Variants in RPS8 observed in about 807,000 individuals in gnomAD.
RPS8 encodes the protein ribosomal protein S8.
For missense variants in RPS8, 141 were observed against 269.7 expected, an observed-to-expected ratio of 0.52 and a Z score of 3.34; for synonymous variants, 100 against 100.7, an observed-to-expected ratio of 0.99 and a Z score of 0.04.
rs374044573 is a variant in RPS8, at chr1:44,775,991, G to C, written c.5-43G>C. 1.8e-5 allele frequency: 29 copies of C among 1,578,420 alleles called. No homozygotes were observed. In the Admixed American group the frequency reaches 2.7e-4, roughly 15 times the overall value. On this transcript the variant is annotated intron_variant, in intron 1 of 5. Coordinates refer to ENST00000396651, the MANE Select transcript of RPS8 (RefSeq NM_001012.2). The stretch of plus-strand genomic sequence containing the variant: ...CGGGAGCTGGCGAGTCGCTAGCACC[G>C]AGTCACAGTGGCTCAAGCTTCCTTC...
At position 44,778,555 on chromosome 1, in the gene RPS8, G is replaced by A. The variant is rs1382442265; in HGVS notation, c.518-21G>A. On this transcript the variant is annotated intron_variant, in intron 5 of 5. Transcript: ENST00000396651. The stretch of plus-strand genomic sequence containing the variant: ...TAGGGCCACCTTGTCGTTGTGCTAA[G>A]GATCACCTACTCTCTTGCAGCGTGC... 7.5e-6 allele frequency: 12 copies of A among 1,599,022 alleles called. 1 individual carries two copies. In the South Asian group the frequency reaches 1.3e-4, roughly 18 times the overall value.
intron 2 of RPS8, chr1:44,776,429 C>G (rs1225224042): frequency 3.1e-5 from 23 of 752,596 alleles, no homozygotes; most frequent in Middle Eastern, 3.0e-4. Flanking sequence ...GAAGCCTAGT[C>G]TTGTTTTTTT....
At chr1:44,777,365 C>T in intron 3 of RPS8, 1 of 473,198 alleles carries the variant, frequency 2.1e-6, no homozygotes, top group Non-Finnish European at 3.8e-6. Flanking sequence ...GTCACCGTGC[C>T]CGACCTGCTC....
At chr1:44,778,450 C>A (rs1306253138) in intron 5 of RPS8, 126 bp from the exon 6 acceptor site, 1 of 842,058 alleles carries the variant, frequency 1.2e-6, no homozygotes, top group South Asian at 1.3e-5. Flanking sequence ...TAAAGTGTGT[C>A]TGAGGAGACA....
rs376189539 is a variant in RPS8 at position 44,778,506 on chromosome 1, C to G, written c.518-70C>G. On this transcript the variant is annotated intron_variant, in intron 5 of 5. Coordinates refer to ENST00000396651, the MANE Select transcript of RPS8 (RefSeq NM_001012.2). ...CAGGGTACCTGAACCCACAGAGATT[C>G]TTAAGCGGGTGGAGAGGTTTGGGTA... 4.7e-5 allele frequency: 59 copies of G among 1,260,998 alleles called. No homozygotes were observed. In the African/African-American group the frequency reaches 6.9e-4, roughly 15 times the overall value. 78.1% of individuals were successfully genotyped at this position (1,260,998 alleles called of 1,614,324 possible). A position where few individuals can be genotyped will look rare whatever the true frequency, so the allele number is the denominator to read the frequency against.
intron 3 of RPS8, 81 bp from the exon 4 acceptor site, chr1:44,777,533 A>C: frequency 8.7e-7 from 1 of 1,153,798 alleles, no homozygotes; most frequent in Non-Finnish European, 1.3e-6. Flanking sequence ...TTAAGGCCTC[A>C]TGGGGCTGAA....
chr1:44,776,850 G>A (rs373596125), intron 3 of RPS8, 76 bp downstream of exon 3: 4 of 1,124,146 alleles, frequency 3.6e-6, no homozygotes, highest in Non-Finnish European at 5.1e-6. Context: ...GGCCTGGCGC[G>A]GTGGCTCACG....
In RPS8 at chr1:44,776,909, G is replaced by A. The variant is rs1650875961; in HGVS notation, c.211+135G>A. 5.0e-6 allele frequency: 3 copies of A among 598,364 alleles called. No individual in the cohort carries two copies. The East Asian group carries it at 9.0e-5, about 18-fold the overall frequency. 37.1% of individuals were successfully genotyped at this position (598,364 alleles called of 1,614,324 possible). On this transcript the variant is annotated intron_variant, in intron 3 of 5. Transcript: ENST00000396651. The stretch of plus-strand genomic sequence containing the variant: ...GGCCGAGGCGGGCGGATCACCTGAG[G>A]TCAGGAGTTCGAGTCCAGCCTGGGC...
intron 1 of RPS8, 161 bp downstream of exon 1, chr1:44,775,761 G>C (rs1650823197): frequency 9.7e-7 from 1 of 1,030,146 alleles, no homozygotes; most frequent in Non-Finnish European, 1.5e-6. Context: ...GCCCGTCTCT[G>C]GGGGCTGCGA....
At chr1:44,776,954 TAA>T (rs564989935) in intron 3 of RPS8, 180 bp downstream of exon 3, 15 of 505,794 alleles carry the variant, frequency 3.0e-5, no homozygotes, top group African/African-American at 2.8e-4. Context: ...AGACTCTCAG[TAA>T]AAAAAAAGAT....
intron 3 of RPS8, 69 bp from the exon 4 acceptor site, chr1:44,777,545 A>C: frequency 7.8e-7 from 1 of 1,280,082 alleles, no homozygotes; most frequent in Non-Finnish European, 1.1e-6. Flanking sequence ...GGGGCTGAAG[A>C]ACCTGGAGGA....
chr1:44,776,385 C>G, intron 2 of RPS8: 1 of 710,578 alleles, frequency 1.4e-6, no homozygotes, highest in Non-Finnish European at 2.5e-6. Context: ...GGGACTTGAG[C>G]TTCTGGAGAG....
chr1:44,775,791 CCGGGCCGCGGGCTG>C (rs1220654289), intron 1 of RPS8, 191 bp downstream of exon 1: 9 of 876,668 alleles, frequency 1.0e-5, no homozygotes, highest in Admixed American at 2.3e-5. Context: ...GCTCCGGGTT[CCGGGCCGCGGGCTG>C]CGGGCTCCGA....
chr1:44,778,435 G>A (rs1573592079), intron 5 of RPS8, 141 bp from the exon 6 acceptor site: 1 of 822,950 alleles, frequency 1.2e-6, no homozygotes, highest in East Asian at 2.4e-5. Flanking sequence ...GACAGTAAGT[G>A]AAGATAAAGT....
At position 44,778,133 on chromosome 1, in the gene RPS8, A is replaced by AG; in HGVS notation, c.517+5dup. 1 of 1,592,060 alleles carries AG rather than the reference A, an allele frequency of 6.3e-7. No homozygotes were observed. The highest frequency in any genetic ancestry group is 8.6e-7 in the Non-Finnish European group (1 of 1,168,934). On this transcript the variant is annotated splice_donor_region_variant and intron_variant, in intron 5 of 5. Coordinates refer to ENST00000396651, the MANE Select transcript of RPS8 (RefSeq NM_001012.2). The stretch of plus-strand genomic sequence containing the variant: ...TTCCAGCAGGGCAAGCTTCTTGGTG[A>AG]GAAGGCTGTTGTGTTGGAGGTGGGG...
chr1:44,777,598 T>C lies in RPS8; in HGVS notation c.212-16T>C, dbSNP rs746151279. ...GTCCTCCAGTTTACTTGATGCCAAA[T>C]TTCTCCTGTGAGCAGGTTGTACTCG... is the stretch of plus-strand genomic sequence containing the variant. On this transcript the variant is annotated splice_polypyrimidine_tract_variant and intron_variant, in intron 3 of 5. Coordinates refer to ENST00000396651, the MANE Select transcript of RPS8 (RefSeq NM_001012.2). The C allele has an allele frequency of 6.2e-7, 1 of 1,607,842 alleles. No homozygotes were observed. The highest frequency in any genetic ancestry group is 8.5e-7 in the Non-Finnish European group (1 of 1,175,404).
At chr1:44,777,026 C>T (rs1241585449) in intron 3 of RPS8, 2 of 394,518 alleles carry the variant, frequency 5.1e-6, no homozygotes, top group African/African-American at 4.3e-5. Context: ...TTTCTCCTTG[C>T]TGAAAGATCT....
intron 3 of RPS8, chr1:44,777,363 G>C (rs935671064): frequency 3.2e-5 from 15 of 469,942 alleles, no homozygotes; most frequent in African/African-American, 2.3e-4. Flanking sequence ...GAGTCACCGT[G>C]CCCGACCTGC....
chr1:44,776,215 G>A (rs1309362694), intron 2 of RPS8, 75 bp downstream of exon 2: 2 of 1,041,792 alleles, frequency 1.9e-6, no homozygotes, highest in African/African-American at 3.2e-5. Flanking sequence ...GTCTTTCCGT[G>A]TGACAGTTGT....
Sources: gnomAD v4.1 joint callset for allele counts on GRCh38, gnomAD v4.1.1 for gene constraint, MANE v1.5 for transcripts, NCBI Gene and HGNC (gene_info 2026-07-23, HGNC 2026-07-21) for gene names.